GPM6A: variants seen among roughly 807,000 people sequenced by gnomAD.
The protein encoded by GPM6A is glycoprotein M6A.
A neutral mutation model predicts 32.1 loss-of-function variants in GPM6A; 7 were observed. The ratio of observed to expected loss-of-function variants is 0.22; its 90% CI spans 0.12 to 0.41. GPM6A has a LOEUF of 0.41. GPM6A is among the 10% of genes least tolerant of loss of function. The probability of loss-of-function intolerance (pLI) is 1.00; values close to 1 mark genes in which losing one functional copy is unlikely to be tolerated. For synonymous variants in GPM6A, 130 were observed against 123.4 expected (o/e 1.05, Z -0.35); for missense variants, 235 against 347.2 (o/e 0.68, Z 2.57).
chr4:175,839,979 C>G lies in GPM6A; in HGVS notation c.-22-27730G>C, dbSNP rs532402352. Among the ~76,000 whole-genome samples, 5 of 152,244 alleles carry G rather than the reference C, an allele frequency of 3.3e-5. No individual in the cohort carries two copies. In the South Asian group the frequency reaches 1.0e-3, roughly 32 times the overall value. ...AAGCGAGAGAGACCAATGTAACTTA[C>G]GTCTAAAGTAGAGCCATCCCAATTA... is the stretch of plus-strand genomic sequence containing the variant. On this transcript the variant is annotated intron_variant, in intron 1 of 7. Coordinates refer to the GPM6A transcript ENST00000280187.
At chr4:175,735,792 C>T (rs1187907722) in intron 1 of GPM6A, among the ~76,000 whole-genome samples, 2 of 152,088 alleles carry the variant, frequency 1.3e-5, no homozygotes, top group African/African-American at 4.8e-5. Flanking sequence ...AAACTCCTGA[C>T]CTCATGATCT....
intron 1 of GPM6A, among the ~76,000 whole-genome samples, chr4:175,756,188 G>C (rs1054988335): frequency 2.0e-5 from 3 of 152,004 alleles, no homozygotes; most frequent in Non-Finnish European, 4.4e-5. Flanking sequence ...AGAGAGAGTA[G>C]GGTTATGTTG....
At chr4:175,856,575 T>C (rs1736423941) in intron 1 of GPM6A, among the ~76,000 whole-genome samples, 3 of 152,208 alleles carry the variant, frequency 2.0e-5, no homozygotes, top group African/African-American at 7.2e-5. Context: ...GATAGCCTTT[T>C]TGGGTTCCTG....
intron 1 of GPM6A, among the ~76,000 whole-genome samples, chr4:175,802,851 T>C (rs1257027179): frequency 6.6e-6 from 1 of 152,102 alleles, no homozygotes; most frequent in Non-Finnish European, 1.5e-5. Flanking sequence ...ATGCTAAAAA[T>C]ATGTGTGGGC....
chr4:175,749,275 A>AGATC (rs1454525268), intron 1 of GPM6A, among the ~76,000 whole-genome samples: 1 of 152,196 alleles, frequency 6.6e-6, no homozygotes, highest in East Asian at 1.9e-4. Flanking sequence ...CACTGATCGC[A>AGATC]GATCACCATA....
chr4:175,959,369 T>A (rs577096741), intron 1 of GPM6A, among the ~76,000 whole-genome samples: 101 of 152,242 alleles, frequency 6.6e-4, no homozygotes, highest in African/African-American at 2.4e-3. Flanking sequence ...GATCCTTGCA[T>A]GCTTGCCATC....
intron 6 of GPM6A, 72 bp downstream of exon 6, chr4:175,640,057 T>C: frequency 8.4e-7 from 1 of 1,187,672 alleles, no homozygotes; most frequent in Non-Finnish European, 1.3e-6. Context: ...TTAGAGATAG[T>C]TTATCATCTC....
intron 1 of GPM6A, among the ~76,000 whole-genome samples, chr4:175,884,735 TGTTG>T (rs775750526): frequency 1.1e-4 from 17 of 152,016 alleles, no homozygotes; most frequent in Non-Finnish European, 2.4e-4. Flanking sequence ...GGTTTCACCA[TGTTG>T]GTCAGGTTGG....
At chr4:175,867,353 C>A (rs1736772656) in intron 1 of GPM6A, among the ~76,000 whole-genome samples, 1 of 152,056 alleles carries the variant, frequency 6.6e-6, no homozygotes, top group Non-Finnish European at 1.5e-5. Context: ...AGTTTTTCTT[C>A]TCATGTTATT....
intron 1 of GPM6A, among the ~76,000 whole-genome samples, chr4:175,710,004 G>A (rs542675565): frequency 6.6e-6 from 1 of 152,126 alleles, no homozygotes; most frequent in South Asian, 2.1e-4. Flanking sequence ...AGAGTCACTT[G>A]CCTCCCCTTC....
intron 1 of GPM6A, among the ~76,000 whole-genome samples, chr4:175,872,431 A>G (rs1199008828): frequency 3.9e-5 from 6 of 152,248 alleles, no homozygotes; most frequent in African/African-American, 9.6e-5. Context: ...AACCCAGGAC[A>G]CACTAAAATA....
chr4:175,970,963 T>C (rs1043630607), intron 1 of GPM6A: 3 of 451,402 alleles, frequency 6.6e-6, no homozygotes, highest in African/African-American at 2.0e-5. Context: ...CCAGAGCCTG[T>C]GCTTGAGCAG....
chr4:175,774,623 A>C (rs920116252), intron 1 of GPM6A, among the ~76,000 whole-genome samples: 1 of 152,070 alleles, frequency 6.6e-6, no homozygotes, highest in African/African-American at 2.4e-5. Context: ...ATAAGTCATG[A>C]ATTTCACAAA....
chr4:175,753,505 T>C (rs963651060), intron 1 of GPM6A, among the ~76,000 whole-genome samples: 16 of 152,152 alleles, frequency 1.1e-4, no homozygotes, highest in Non-Finnish European at 2.1e-4. Flanking sequence ...AGTAAACAGT[T>C]GTAGCTGAAT....
chr4:175,875,215 C>G (rs1737045236), intron 1 of GPM6A, among the ~76,000 whole-genome samples: 1 of 152,308 alleles, frequency 6.6e-6, no homozygotes, highest in Non-Finnish European at 1.5e-5. Flanking sequence ...TCCCACAGCT[C>G]CCAGTTTCTG....
intron 4 of GPM6A, among the ~76,000 whole-genome samples, chr4:175,644,136 T>TTG (rs1359436375): frequency 6.7e-6 from 1 of 149,496 alleles, no homozygotes; most frequent in Non-Finnish European, 1.5e-5. Context: ...TTTTTTTTTT[T>TTG]TTTTTGAGAT....
chr4:175,687,934 T>C (rs2111027390), intron 2 of GPM6A, among the ~76,000 whole-genome samples: 1 of 152,322 alleles, frequency 6.6e-6, no homozygotes, highest in African/African-American at 2.4e-5. Context: ...CCCAGATGGT[T>C]AGTGATTTGG....
In GPM6A at chr4:175,807,895, C is replaced by T. The variant is rs573329211; in HGVS notation, c.37+4296G>A. The stretch of plus-strand genomic sequence containing the variant: ...TTGAGCCCAGCTCTACTATTTACTA[C>T]GATGTGACTTTGGTCTAGTCAATTA... On this transcript the variant is annotated intron_variant, in intron 1 of 6. Transcript: ENST00000393658. 7.2e-5 allele frequency among the ~76,000 whole-genome samples: 11 copies of T among 152,222 alleles called. No homozygotes were observed. The South Asian group carries it at 8.3e-4, about 11-fold the overall frequency.
At chr4:175,689,109 A>C (rs1441519274) in intron 2 of GPM6A, among the ~76,000 whole-genome samples, 1 of 152,152 alleles carries the variant, frequency 6.6e-6, no homozygotes, top group Non-Finnish European at 1.5e-5. Context: ...TGTTTTGATT[A>C]CTGTCAATTT....
Sources: allele counts gnomAD v4.1 joint callset (sites outside exome capture counted in the v4.1 genomes callset), GRCh38; gene constraint gnomAD v4.1.1; transcripts MANE v1.5; gene names NCBI Gene and HGNC (gene_info 2026-07-23, HGNC 2026-07-21).